The following XPO7 variants were observed in gnomAD, a reference collection of about 807,000 sequenced individuals.
XPO7 encodes exportin-7.
A neutral mutation model predicts 144.3 loss-of-function variants in XPO7; 21 were observed. That is an observed-to-expected ratio of 0.15 (90% confidence interval 0.10 to 0.21). The LOEUF (loss-of-function observed/expected upper bound fraction) is 0.21. Among genes scored for constraint, XPO7 ranks in the 10% least tolerant of loss-of-function variants. XPO7 has a pLI of 1.00. For synonymous variants in XPO7, 580 were observed against 499.6 expected, an observed-to-expected ratio of 1.16 and a Z score of -2.15; for missense variants, 808 against 1,325.8, an observed-to-expected ratio of 0.61 and a Z score of 6.06.
intron 1 of XPO7, among the ~76,000 whole-genome samples, chr8:21,922,437 A>G (rs139510391): frequency 6.6e-6 from 1 of 152,324 alleles, no homozygotes; most frequent in Non-Finnish European, 1.5e-5. Flanking sequence ...TTGGTCTTAG[A>G]TAACCTTATC....
intron 1 of XPO7, among the ~76,000 whole-genome samples, chr8:21,946,441 G>T (rs776265038): frequency 1.3e-5 from 2 of 151,808 alleles, no homozygotes; most frequent in Non-Finnish European, 2.9e-5. Context: ...AGAACTAGAA[G>T]ATCTGAAGAT....
intron 16 of XPO7, among the ~76,000 whole-genome samples, chr8:21,989,796 AATAGGAGTTTGGT>A (rs1394015844): frequency 1.8e-5 from 2 of 111,626 alleles, no homozygotes; most frequent in African/African-American, 6.2e-5. Context: ...TTTTCTTACA[AATAGGAGTTTGGT>A]ATAGGTGTTT....
At chr8:21,952,220 A>G (rs1261430627) in intron 1 of XPO7, among the ~76,000 whole-genome samples, 5 of 152,296 alleles carry the variant, frequency 3.3e-5, no homozygotes, top group Non-Finnish European at 1.5e-5. Context: ...CTGCACACTG[A>G]CTTTTTTGTT....
intron 1 of XPO7, among the ~76,000 whole-genome samples, chr8:21,929,402 G>A (rs1320055884): frequency 1.3e-5 from 2 of 152,204 alleles, no homozygotes; most frequent in Non-Finnish European, 2.9e-5. Context: ...ATGAGAGGAA[G>A]CAGTTAACTC....
At position 22,003,960 on chromosome 8, in the gene XPO7, G is replaced by T. The variant is rs751905585; in HGVS notation, c.3100G>T (p.Ala1034Ser). Residue 1034 changes from alanine (A) to serine (S), a missense_variant, in exon 27 of 28, where the codon GCC (alanine) becomes TCC (serine). By Grantham distance (99) the Ala-to-Ser change is moderately conservative. This residue lies in a region of XPO7 where 140 missense variants were observed against 237.9 expected (regional missense o/e 0.59). Coordinates refer to ENST00000252512, the MANE Select transcript of XPO7 (RefSeq NM_015024.5). ...CAGCCAGCCACCGGAGAAGCAGCAGGCCATGCACCTGTGTTTTGAGAACCT... is the reference window on the plus strand; with the variant it reads ...CAGCCAGCCACCGGAGAAGCAGCAGTCCATGCACCTGTGTTTTGAGAACCT... ...VNSQPPEKQQ[A>S]MHLCFENLME... 18 of 1,613,912 alleles carry T rather than the reference G, an allele frequency of 1.1e-5. No individual in the cohort carries two copies. Among genetic ancestry groups the T allele is most frequent in the Non-Finnish European group, 1.4e-5 (17 of 1,179,886 alleles).
chr8:21,960,523 C>T (rs1040749328), intron 1 of XPO7, among the ~76,000 whole-genome samples: 10 of 152,218 alleles, frequency 6.6e-5, no homozygotes, highest in East Asian at 1.9e-4. Context: ...ATATTACCCA[C>T]AACACAAAGA....
intron 20 of XPO7, among the ~76,000 whole-genome samples, chr8:21,994,687 A>G (rs538550388): frequency 9.9e-5 from 15 of 152,094 alleles, no homozygotes; most frequent in Non-Finnish European, 4.4e-5. Flanking sequence ...TCAAATATAA[A>G]TGCCTGTGGA....
intron 13 of XPO7, among the ~76,000 whole-genome samples, chr8:21,986,655 C>G (rs187284863): frequency 2.2e-4 from 34 of 152,274 alleles, no homozygotes; most frequent in Non-Finnish European, 4.4e-4. Context: ...GAGTTCAATA[C>G]TGTGTGTGTC....
At chr8:21,961,621 C>T (rs963439121) in intron 1 of XPO7, among the ~76,000 whole-genome samples, 4 of 152,006 alleles carry the variant, frequency 2.6e-5, no homozygotes, top group African/African-American at 9.7e-5. Flanking sequence ...AACACTTGAT[C>T]TTGGCTTTTT....
At chr8:21,949,243 A>C (rs548896420) in intron 1 of XPO7, among the ~76,000 whole-genome samples, 1 of 152,320 alleles carries the variant, frequency 6.6e-6, no homozygotes, top group South Asian at 2.1e-4. Context: ...TTCTGCATTT[A>C]TAATTAAGTG....
In XPO7 at chr8:22,005,580, A is replaced by G. The variant is rs894176750; in HGVS notation, c.*492A>G. On this transcript the variant is annotated 3_prime_UTR_variant, in exon 28 of 28. Transcript: ENST00000252512. ...GTGTATTCTGGTGGCCTGAAGCTTT[A>G]CTGGACAAGGATGTGTGAGAGTGCA... is the stretch of plus-strand genomic sequence containing the variant. The G allele has an allele frequency of 2.0e-5, 3 of 152,690 alleles. No homozygotes were observed. The highest frequency in any genetic ancestry group is 7.2e-5 in the African/African-American group (3 of 41,444). 9.5% of individuals were successfully genotyped at this position (152,690 alleles called of 1,614,324 possible).
chr8:21,930,817 A>G (rs971682261), intron 1 of XPO7, among the ~76,000 whole-genome samples: 9 of 152,210 alleles, frequency 5.9e-5, no homozygotes, highest in African/African-American at 2.2e-4. Flanking sequence ...TTCATAGTGA[A>G]ATTCCATTTC....
intron 5 of XPO7, among the ~76,000 whole-genome samples, chr8:21,974,323 C>T (rs1812160658): frequency 6.6e-6 from 1 of 152,136 alleles, no homozygotes; most frequent in African/African-American, 2.4e-5. Flanking sequence ...GTCACCACGC[C>T]TGGCCCATTA....
chr8:21,973,031 T>A (rs1052245841), intron 5 of XPO7, among the ~76,000 whole-genome samples: 8 of 152,076 alleles, frequency 5.3e-5, no homozygotes, highest in South Asian at 4.1e-4. Context: ...AACAGTCATA[T>A]GAGGTAGGTA....
rs1207744945 is a variant in XPO7 at position 21,977,916 on chromosome 8, C to T, written c.837+73C>T. ...AGCAATGGTGAATGAACCTTATATT[C>T]GTTTTGTTTTATAAAATTATACAAG... On this transcript the variant is annotated intron_variant, in intron 8 of 27. Transcript: ENST00000252512. 1.8e-5 allele frequency: 24 copies of T among 1,317,456 alleles called. No individual in the cohort carries two copies. In the East Asian group the frequency reaches 1.9e-4, roughly 11 times the overall value. The allele number at this position is 1,317,456 out of a possible 1,614,324, so 81.6% of individuals were successfully genotyped here. A position where few individuals can be genotyped will look rare whatever the true frequency, so the allele number is the denominator to read the frequency against.
At chr8:21,939,738 G>A (rs1256161662) in intron 1 of XPO7, among the ~76,000 whole-genome samples, 1 of 152,142 alleles carries the variant, frequency 6.6e-6, no homozygotes, top group Non-Finnish European at 1.5e-5. Context: ...GAGGATAAGT[G>A]ACAGAGTGGC....
In XPO7 at chr8:21,999,524, C is replaced by G; in HGVS notation, c.2644-12C>G. 2 of 1,613,814 alleles carry G rather than the reference C, an allele frequency of 1.2e-6. No individual in the cohort carries two copies. Among genetic ancestry groups the G allele is most frequent in the Non-Finnish European group, 1.7e-6 (2 of 1,179,758 alleles). On this transcript the variant is annotated splice_polypyrimidine_tract_variant and intron_variant, in intron 23 of 27. Coordinates refer to ENST00000252512, the MANE Select transcript of XPO7 (RefSeq NM_015024.5). ...TGCCTAAGCTGATTTTCTTCCTCTT[C>G]CTCTCCCACAGGATTACCCCAAGCT...
rs1423487144 is a variant in XPO7 at position 21,987,287 on chromosome 8, C to T, written c.1713+11C>T. ...CAGAAATCCTCTAAGGTAACAGCCT[C>T]TCAATTGGCTCCCCTTAGTTCTCAC... is the stretch of plus-strand genomic sequence containing the variant. On this transcript the variant is annotated intron_variant, in intron 14 of 27. Transcript: ENST00000252512. 1.2e-6 allele frequency: 2 copies of T among 1,613,790 alleles called. No homozygotes were observed. Among genetic ancestry groups the T allele is most frequent in the Non-Finnish European group, 1.7e-6 (2 of 1,179,828 alleles).
At position 21,966,991 on chromosome 8, in the gene XPO7, C is replaced by T. The variant is rs370251493; in HGVS notation, c.153C>T (p.Leu51=). The T allele has an allele frequency of 2.5e-4, 400 of 1,613,146 alleles. No homozygotes were observed. Among genetic ancestry groups the T allele is most frequent in the Non-Finnish European group, 3.2e-4 (374 of 1,179,558 alleles). The change falls in exon 2 of 28, where the codon CTC becomes CTT. Residue 51 remains leucine, a synonymous_variant. Coordinates refer to ENST00000252512, the MANE Select transcript of XPO7 (RefSeq NM_015024.5). ...GCCTGAGCAAGTGCCAGCTACTCCT[C>T]GAAAGAGGAAGTGTGCGTAAGATCT... ...PDCLSKCQLL[L]ERGSSSYSQL...
Sources: gnomAD v4.1 joint callset for allele counts (sites outside exome capture counted in the v4.1 genomes callset) on GRCh38, gnomAD v4.1.1 for gene constraint, gnomAD v4.1.1 regional missense constraint, MANE v1.5 for transcripts, NCBI Gene and HGNC (gene_info 2026-07-23, HGNC 2026-07-21) for gene names.